NAALADL2: variants seen among roughly 807,000 people sequenced by gnomAD.
NAALADL2 encodes the protein inactive N-acetylated-alpha-linked acidic dipeptidase-like protein 2.
Under a neutral mutation model 87.2 loss-of-function variants are expected in NAALADL2, and 76 were observed. That is an observed-to-expected ratio of 0.87 (90% CI 0.72 to 1.05). The LOEUF is 1.05. Among genes scored for constraint, NAALADL2 ranks in the 50% least tolerant of loss-of-function variants. The probability of loss-of-function intolerance (pLI) is 0.00; values close to 1 mark genes in which losing one functional copy is unlikely to be tolerated. For synonymous variants in NAALADL2, 354 were observed against 331.0 expected (o/e 1.07, Z -0.75); for missense variants, 1,089 against 945.8 (o/e 1.15, Z -1.99).
intron 4 of NAALADL2, among the ~76,000 whole-genome samples, chr3:175,289,328 C>G (rs1044181019): frequency 6.6e-6 from 1 of 152,022 alleles, no homozygotes; most frequent in Non-Finnish European, 1.5e-5. Flanking sequence ...TTTAAGACTT[C>G]TATAGAGCTG....
intron 1 of NAALADL2, among the ~76,000 whole-genome samples, chr3:175,003,858 T>A (rs997045034): frequency 1.3e-5 from 2 of 152,146 alleles, no homozygotes; most frequent in African/African-American, 4.8e-5. Context: ...ACTAGAGCAG[T>A]GTGCATTCAC....
intron 2 of NAALADL2, among the ~76,000 whole-genome samples, chr3:174,577,253 T>G (rs973930325): frequency 1.5e-4 from 23 of 152,128 alleles, no homozygotes; most frequent in African/African-American, 5.5e-4. Flanking sequence ...AAACCAAATA[T>G]CTGATTAAAT....
At chr3:175,565,486 C>T (rs967134450) in intron 9 of NAALADL2, among the ~76,000 whole-genome samples, 2 of 152,058 alleles carry the variant, frequency 1.3e-5, no homozygotes, top group East Asian at 3.9e-4. Flanking sequence ...TCCGTGTTGG[C>T]CCACCATCTT....
chr3:175,644,263 A>G (rs1729680367), intron 11 of NAALADL2, among the ~76,000 whole-genome samples: 1 of 152,086 alleles, frequency 6.6e-6, no homozygotes, highest in African/African-American at 2.4e-5. Context: ...GTTGAATTAT[A>G]TTTTTATGAA....
chr3:174,543,908 TGA>T (rs1267720722), intron 1 of NAALADL2, among the ~76,000 whole-genome samples: 1 of 151,620 alleles, frequency 6.6e-6, no homozygotes, highest in Non-Finnish European at 1.5e-5. Context: ...CCTGGTTGGC[TGA>T]GACATGAGAA....
chr3:174,533,905 A>G lies in NAALADL2; in HGVS notation c.-183-16664A>G, dbSNP rs565260602. 4.7e-4 allele frequency among the ~76,000 whole-genome samples: 71 copies of G among 152,312 alleles called. No individual in the cohort carries two copies. In the East Asian group the frequency reaches 9.6e-3, roughly 21 times the overall value. On this transcript the variant is annotated intron_variant, in intron 1 of 3. Coordinates refer to the NAALADL2 transcript ENST00000434257. ...AACTGGCAAGAAATGCAAGCTATCT[A>G]TAGAATCAATTAAAAACAAGATTAT...
At chr3:175,518,878 G>T (rs193067082) in intron 9 of NAALADL2, among the ~76,000 whole-genome samples, 1 of 152,260 alleles carries the variant, frequency 6.6e-6, no homozygotes, top group East Asian at 1.9e-4. Flanking sequence ...ATAGGAAAAA[G>T]GTCATACAAA....
At chr3:174,501,264 G>A (rs1718872916) in intron 1 of NAALADL2, among the ~76,000 whole-genome samples, 1 of 146,604 alleles carries the variant, frequency 6.8e-6, no homozygotes, top group South Asian at 2.1e-4. Flanking sequence ...ATTTTTAGTA[G>A]AGACGGGGTT....
At chr3:175,777,157 G>T (rs1181029446) in intron 13 of NAALADL2, among the ~76,000 whole-genome samples, 1 of 151,666 alleles carries the variant, frequency 6.6e-6, no homozygotes, top group African/African-American at 2.4e-5. Flanking sequence ...GGTCTATTTT[G>T]TTGTTTCTTT....
intron 3 of NAALADL2, among the ~76,000 whole-genome samples, chr3:174,823,793 C>T (rs975575421): frequency 2.0e-5 from 3 of 151,850 alleles, no homozygotes; most frequent in Non-Finnish European, 2.9e-5. Context: ...TCACCACAAC[C>T]TCCGCCTCCC....
At chr3:175,499,778 T>G (rs1729295420) in intron 9 of NAALADL2, among the ~76,000 whole-genome samples, 1 of 152,116 alleles carries the variant, frequency 6.6e-6, no homozygotes, top group Admixed American at 6.6e-5. Flanking sequence ...TTTATTACAG[T>G]ATTAGTCATT....
chr3:175,140,105 A>G (rs528614501), intron 2 of NAALADL2, among the ~76,000 whole-genome samples: 16 of 152,248 alleles, frequency 1.1e-4, no homozygotes, highest in African/African-American at 2.9e-4. Flanking sequence ...TCTGTCTGTC[A>G]TCTGTATTAG....
intron 2 of NAALADL2, among the ~76,000 whole-genome samples, chr3:174,693,733 TAAG>T (rs1414315131): frequency 2.0e-5 from 3 of 152,164 alleles, no homozygotes; most frequent in Middle Eastern, 6.8e-3. Context: ...CAATGGAAGA[TAAG>T]GAGGAAAGTT....
intron 3 of NAALADL2, among the ~76,000 whole-genome samples, chr3:174,820,506 A>G (rs1721302323): frequency 6.6e-6 from 1 of 152,186 alleles, no homozygotes; most frequent in Non-Finnish European, 1.5e-5. Context: ...TATCTATAAA[A>G]GCTCATAAAC....
At chr3:174,513,818 C>T (rs1719757633) in intron 1 of NAALADL2, among the ~76,000 whole-genome samples, 1 of 152,166 alleles carries the variant, frequency 6.6e-6, no homozygotes, top group Non-Finnish European at 1.5e-5. Flanking sequence ...CAAAGAATTT[C>T]ACATGAAATA....
At chr3:174,888,776 A>G (rs1730516574) in intron 1 of NAALADL2, among the ~76,000 whole-genome samples, 1 of 152,244 alleles carries the variant, frequency 6.6e-6, no homozygotes, top group African/African-American at 2.4e-5. Context: ...ATTTCAAAAT[A>G]CTGTATTATT....
At chr3:175,486,343 C>T (rs1560632735) in intron 9 of NAALADL2, among the ~76,000 whole-genome samples, 2 of 152,066 alleles carry the variant, frequency 1.3e-5, no homozygotes, top group Non-Finnish European at 2.9e-5. Flanking sequence ...GAAGGCTCAC[C>T]TCTAGGACTC....
chr3:175,157,357 T>C (rs947280010), intron 2 of NAALADL2, among the ~76,000 whole-genome samples: 1 of 152,098 alleles, frequency 6.6e-6, no homozygotes, highest in African/African-American at 2.4e-5. Flanking sequence ...ATTTTACATA[T>C]CTTTCAATTC....
intron 1 of NAALADL2, among the ~76,000 whole-genome samples, chr3:174,473,790 C>G (rs562957221): frequency 4.5e-4 from 69 of 152,182 alleles, no homozygotes; most frequent in African/African-American, 1.6e-3. Flanking sequence ...AGAATGTTTT[C>G]CTGATAAATT....
Sources: gnomAD v4.1 joint callset for allele counts (sites outside exome capture counted in the v4.1 genomes callset) on GRCh38, gnomAD v4.1.1 for gene constraint, MANE v1.5 for transcripts, NCBI Gene and HGNC (gene_info 2026-07-23, HGNC 2026-07-21) for gene names.